Variants in SERPINB13 observed in about 807,000 individuals in gnomAD.
The protein encoded by SERPINB13 is serpin B13.
In SERPINB13, 26 loss-of-function variants were observed where a neutral mutation model predicts 31.2. That is an observed-to-expected ratio of 0.83 (90% CI 0.61 to 1.15). The LOEUF is 1.15. Among genes scored for constraint, SERPINB13 ranks in the 50% most tolerant of loss-of-function variants. The probability of loss-of-function intolerance (pLI) is 0.00; values close to 1 mark genes in which losing one functional copy is unlikely to be tolerated. For missense variants in SERPINB13, 510 were observed against 469.4 expected, an observed-to-expected ratio of 1.09 and a Z score of -0.80; for synonymous variants, 191 against 172.4, an observed-to-expected ratio of 1.11 and a Z score of -0.85.
intron 2 of SERPINB13, 65 bp from the exon 3 acceptor site, chr18:63,589,589 CCT>C: frequency 1.9e-6 from 3 of 1,577,930 alleles, no homozygotes; most frequent in Non-Finnish European, 1.7e-6. Flanking sequence ...TCCACTCTCC[CCT>C]GACTGATTCT....
chr18:63,588,133 C>T (rs74511265), intron 1 of SERPINB13, among the ~76,000 whole-genome samples: 2,893 of 152,248 alleles, frequency 0.019, 53 homozygotes, highest in African/African-American at 0.05. Context: ...AATTTTGAAT[C>T]AATTGAGAAA....
chr18:63,589,468 C>CACAT (rs57825916), intron 2 of SERPINB13, among the ~76,000 whole-genome samples, 188 bp from the exon 3 acceptor site: 66,218 of 148,060 alleles, frequency 0.45, 17,483 homozygotes, highest in Non-Finnish European at 0.61. Flanking sequence ...CACACACACA[C>CACAT]ACACACACAC....
Position 63,597,568 on chromosome 18 carries a change from C to A in SERPINB13, c.*205C>A. On this transcript the variant is annotated 3_prime_UTR_variant, in exon 8 of 8. Coordinates refer to ENST00000344731, the MANE Select transcript of SERPINB13 (RefSeq NM_012397.4). The stretch of plus-strand genomic sequence containing the variant: ...GAAATGTCCTTTTCTTTGTGCCATG[C>A]GTAAGGTGAGTCAAACCAAACCTCA... 3 of 566,570 alleles carry A rather than the reference C, an allele frequency of 5.3e-6. No individual in the cohort carries two copies. The highest frequency in any genetic ancestry group is 9.1e-6 in the Non-Finnish European group (3 of 330,554). 35.1% of individuals were successfully genotyped at this position (566,570 alleles called of 1,614,324 possible). A position where few individuals can be genotyped will look rare whatever the true frequency, so the allele number is the denominator to read the frequency against.
chr18:63,589,451 T>TCTCACACACACACA (rs1555678806), intron 2 of SERPINB13, among the ~76,000 whole-genome samples: 1 of 111,890 alleles, frequency 8.9e-6, no homozygotes, highest in African/African-American at 2.8e-5. Flanking sequence ...CAAAACTCCA[T>TCTCACACACACACA]CACACACACA....
At chr18:63,589,933 G>A (rs1378517) in intron 3 of SERPINB13, 7 of 928,756 alleles carry the variant, frequency 7.5e-6, no homozygotes, top group Non-Finnish European at 1.1e-5. Context: ...AGAGACCTTA[G>A]GTGTAATGGA....
intron 5 of SERPINB13, 148 bp downstream of exon 5, chr18:63,593,119 C>T (rs746026127): frequency 6.6e-5 from 39 of 591,734 alleles, no homozygotes; most frequent in South Asian, 2.4e-4. Context: ...TGGGAAGGGA[C>T]TTGAGATAGG....
rs150249687 is a variant in SERPINB13, at chr18:63,594,924, GTTTTA to G, written c.616-99_616-95del. The stretch of plus-strand genomic sequence containing the variant: ...GCTCATTCTGAGACTCTGATATTGG[GTTTTA>G]TTTTAGATTGAGCTAATTATTTTGA... On this transcript the variant is annotated intron_variant, in intron 6 of 7. Transcript: ENST00000344731. 661 of 1,063,658 alleles carry G rather than the reference GTTTTA, an allele frequency of 6.2e-4. 5 individuals are homozygous for G. In the African/African-American group the frequency reaches 8.8e-3, roughly 14 times the overall value. 65.9% of individuals were successfully genotyped at this position (1,063,658 alleles called of 1,614,324 possible).
At chr18:63,595,674 C>T (rs934659975) in intron 7 of SERPINB13, among the ~76,000 whole-genome samples, 26 of 152,020 alleles carry the variant, frequency 1.7e-4, no homozygotes, top group Non-Finnish European at 3.7e-4. Context: ...CTGAGGCGGG[C>T]GGATCACGAG....
chr18:63,591,767 A>G (rs542336581), intron 3 of SERPINB13, among the ~76,000 whole-genome samples: 1 of 152,158 alleles, frequency 6.6e-6, no homozygotes, highest in East Asian at 1.9e-4. Context: ...TGAAATAATG[A>G]CATTCTAGAT....
intron 5 of SERPINB13, among the ~76,000 whole-genome samples, chr18:63,593,711 T>G (rs1279166820): frequency 6.6e-6 from 1 of 152,020 alleles, no homozygotes; most frequent in Non-Finnish European, 1.5e-5. Flanking sequence ...AGAATGTGTT[T>G]TTTTTTTCCC....
chr18:63,592,134 G>GA (rs1911889460), intron 3 of SERPINB13, among the ~76,000 whole-genome samples: 1 of 152,160 alleles, frequency 6.6e-6, no homozygotes, highest in Non-Finnish European at 1.5e-5. Flanking sequence ...GGCTGGCAGA[G>GA]AAGGCTTCTC....
At position 63,588,766 on chromosome 18, in the gene SERPINB13, C is replaced by A; in HGVS notation, c.99C>A (p.Gly33=). ...NDGNIFFSPV[G]ILTAIGMVLL... Reference sequence around the variant, plus strand: ...GCAACATCTTCTTTTCCCCTGTGGGCATCTTGACTGCAATTGGCATGGTCC... The same window carrying A: ...GCAACATCTTCTTTTCCCCTGTGGGAATCTTGACTGCAATTGGCATGGTCC... Residue 33 remains glycine, a synonymous_variant, in exon 2 of 8, where the codon GGC becomes GGA. Coordinates refer to ENST00000344731, the MANE Select transcript of SERPINB13 (RefSeq NM_012397.4). 1 of 1,614,138 alleles carries A rather than the reference C, an allele frequency of 6.2e-7. No individual in the cohort carries two copies. Among genetic ancestry groups the A allele is most frequent in the Non-Finnish European group, 8.5e-7 (1 of 1,180,004 alleles).
chr18:63,591,768 C>T (rs1305870685), intron 3 of SERPINB13, among the ~76,000 whole-genome samples: 3 of 151,870 alleles, frequency 2.0e-5, no homozygotes, highest in South Asian at 4.2e-4. Context: ...GAAATAATGA[C>T]ATTCTAGATA....
intron 5 of SERPINB13, 68 bp from the exon 6 acceptor site, chr18:63,594,287 A>C (rs775079263): frequency 6.2e-7 from 1 of 1,602,782 alleles, no homozygotes; most frequent in Non-Finnish European, 8.5e-7. Context: ...CATCTGCATC[A>C]TATTTGTCAT....
At position 63,592,382 on chromosome 18, in the gene SERPINB13, A is replaced by G. The variant is rs759746861; in HGVS notation, c.260A>G (p.Gln87Arg). 23 of 1,612,970 alleles carry G rather than the reference A, an allele frequency of 1.4e-5. No homozygotes were observed. The South Asian group carries it at 2.3e-4, about 16-fold the overall frequency. ...ENTEAVHQQF[Q>R]KFLTEISKLT... is the part of the protein sequence containing the mutation. ...ACAGAAGCAGTACATCAACAATTCCAAAAGTTTTTGACTGAAATAAGCAAA... is the reference window on the plus strand; with the variant it reads ...ACAGAAGCAGTACATCAACAATTCCGAAAGTTTTTGACTGAAATAAGCAAA... Residue 87 changes from glutamine to arginine, a missense_variant, in exon 4 of 8, where the codon CAA becomes CGA. Coordinates refer to ENST00000344731, the MANE Select transcript of SERPINB13 (RefSeq NM_012397.4).
At chr18:63,590,259 T>C (rs1405934703) in intron 3 of SERPINB13, among the ~76,000 whole-genome samples, 3 of 152,186 alleles carry the variant, frequency 2.0e-5, no homozygotes, top group Admixed American at 2.0e-4. Flanking sequence ...CCTGAGGTCT[T>C]TTCCAGCTCC....
chr18:63,595,678 T>C (rs1013959463), intron 7 of SERPINB13, among the ~76,000 whole-genome samples: 2 of 152,016 alleles, frequency 1.3e-5, no homozygotes, highest in African/African-American at 2.4e-5. Flanking sequence ...GGCGGGCGGA[T>C]CACGAGGTCA....
chr18:63,591,897 A>T (rs972410021), intron 3 of SERPINB13, among the ~76,000 whole-genome samples: 16 of 152,106 alleles, frequency 1.1e-4, no homozygotes, highest in Non-Finnish European at 2.9e-5. Flanking sequence ...ACTTCAGCCC[A>T]ATGTGTAGTG....
At chr18:63,587,653 T>G (rs1462400786) in intron 1 of SERPINB13, among the ~76,000 whole-genome samples, 3 of 152,268 alleles carry the variant, frequency 2.0e-5, no homozygotes, top group Admixed American at 6.5e-5. Context: ...AAAGGATCTC[T>G]GCAAGGAAAC....
Sources: allele counts gnomAD v4.1 joint callset (sites outside exome capture counted in the v4.1 genomes callset), GRCh38; gene constraint gnomAD v4.1.1; transcripts MANE v1.5; gene names NCBI Gene and HGNC (gene_info 2026-07-23, HGNC 2026-07-21).